Variants in PCDHA1 observed in about 807,000 individuals in gnomAD.
The protein encoded by PCDHA1 is protocadherin alpha 1.
In PCDHA1, 42 loss-of-function variants were observed where a neutral mutation model predicts 61.3. The observed-to-expected ratio is 0.69, with a 90% confidence interval of 0.54 to 0.89. The LOEUF (loss-of-function observed/expected upper bound fraction) is 0.89. PCDHA1 is among the 40% of genes least tolerant of loss of function. The pLI is 0.00. For synonymous variants in PCDHA1, 610 were observed against 553.8 expected (o/e 1.10, Z -1.43); for missense variants, 1,256 against 1,235.3 (o/e 1.02, Z -0.25).
chr5:140,841,617 G>C, intron 1 of PCDHA1: 2 of 1,614,152 alleles, frequency 1.2e-6, no homozygotes, highest in Non-Finnish European at 1.7e-6. Flanking sequence ...TGCGGGCGGA[G>C]CGCGGAGTGC....
chr5:140,927,843 C>G, intron 1 of PCDHA1: 2 of 1,614,186 alleles, frequency 1.2e-6, no homozygotes, highest in Non-Finnish European at 1.7e-6. Flanking sequence ...ACGAAGGTGT[C>G]TTTGGTTTAG....
Position 140,845,869 on chromosome 5 carries a change from C to T in PCDHA1, c.2394+57185C>T, listed in dbSNP as rs1190017155. On this transcript the variant is annotated intron_variant, in intron 1 of 3. Transcript: ENST00000504120. ...AAAGAAGTTAGTGATTGCAGAAAGG[C>T]AACCTAAAATGTCAGAAAGTCGTTA... is the stretch of plus-strand genomic sequence containing the variant. Among the ~76,000 whole-genome samples the T allele has an allele frequency of 2.0e-5, 3 of 149,586 alleles. 1 individual carries two copies. Among genetic ancestry groups the T allele is most frequent in the Non-Finnish European group, 4.5e-5 (3 of 66,866 alleles).
chr5:140,797,107 G>A (rs1174688256), intron 1 of PCDHA1: 48 of 1,613,918 alleles, frequency 3.0e-5, no homozygotes, highest in Non-Finnish European at 3.9e-5. Flanking sequence ...GGTGCTCACG[G>A]TGCTGCTGTA....
At position 140,786,772 on chromosome 5, in the gene PCDHA1, A is replaced by T. The variant is rs781988488; in HGVS notation, c.482A>T (p.Asp161Val). ...RFPIEGAADA[D>V]IGANALLTYT... Reference sequence around the variant, plus strand: ...CCGATAGAAGGAGCTGCTGATGCAGACATTGGTGCTAACGCTCTTCTAACG... The same window carrying T: ...CCGATAGAAGGAGCTGCTGATGCAGTCATTGGTGCTAACGCTCTTCTAACG... Residue 161 changes from aspartate to valine, a missense_variant, in exon 1 of 4, where the codon GAC (aspartate) becomes GTC (valine). Asp to Val is a radical substitution (Grantham distance 152). Transcript: ENST00000504120. The T allele has an allele frequency of 6.2e-7, 1 of 1,614,220 alleles. No individual in the cohort carries two copies. Among genetic ancestry groups the T allele is most frequent in the East Asian group, 2.2e-5 (1 of 44,888 alleles).
At chr5:140,860,559 A>G (rs2046453959) in intron 1 of PCDHA1, 1 of 152,222 alleles carries the variant, frequency 6.6e-6, no homozygotes, top group African/African-American at 2.4e-5. Flanking sequence ...TTGAAGAGGT[A>G]CTGATCATAC....
intron 1 of PCDHA1, chr5:140,842,566 CGA>C: frequency 6.7e-7 from 1 of 1,503,446 alleles, no homozygotes; most frequent in Non-Finnish European, 9.0e-7. Context: ...CCCTGGACCG[CGA>C]GAGAGTGTCG....
intron 1 of PCDHA1, chr5:140,824,731 A>G (rs1299399063): frequency 6.7e-6 from 1 of 149,944 alleles, no homozygotes; most frequent in African/African-American, 2.5e-5. Context: ...AAGTACTAAG[A>G]TTACAGGATT....
At chr5:140,988,698 A>G (rs1563551697) in intron 3 of PCDHA1, among the ~76,000 whole-genome samples, 1 of 152,116 alleles carries the variant, frequency 6.6e-6, no homozygotes, top group East Asian at 1.9e-4. Context: ...GACGCTCTGT[A>G]TTTTCTTGGA....
intron 1 of PCDHA1, among the ~76,000 whole-genome samples, chr5:140,819,677 T>C (rs2150104870): frequency 6.6e-6 from 1 of 152,220 alleles, no homozygotes; most frequent in South Asian, 2.1e-4. Context: ...TTGATCACTG[T>C]AGCACAAATG....
At chr5:140,873,973 T>C (rs1255024393) in intron 1 of PCDHA1, among the ~76,000 whole-genome samples, 2 of 152,224 alleles carry the variant, frequency 1.3e-5, no homozygotes. Flanking sequence ...TTTTTTAAAA[T>C]TAAAGTTCCT....
At chr5:140,929,376 G>C in intron 1 of PCDHA1, 1 of 1,513,958 alleles carries the variant, frequency 6.6e-7, no homozygotes, top group Non-Finnish European at 8.8e-7. Flanking sequence ...ATGGCTGCTA[G>C]CTGTGTTTTG....
chr5:140,787,806 A>G lies in PCDHA1; in HGVS notation c.1516A>G (p.Asn506Asp). The G allele has an allele frequency of 6.2e-7, 1 of 1,612,392 alleles. No individual in the cohort carries two copies. The highest frequency in any genetic ancestry group is 8.5e-7 in the Non-Finnish European group (1 of 1,179,734). Residue 506 changes from asparagine to aspartate, a missense_variant, in exon 1 of 4, where the codon AAC becomes GAC. Physicochemically the swap from Asn to Asp is conservative, Grantham distance 23. Transcript: ENST00000504120. ...ERRVGERALS[N>D]YVSVHAESGK... is the part of the protein sequence containing the mutation. Reference sequence around the variant, plus strand: ...GCGGGTGGGCGAGCGCGCGCTGTCGAACTACGTGTCAGTGCACGCGGAGAG... The same window carrying G: ...GCGGGTGGGCGAGCGCGCGCTGTCGGACTACGTGTCAGTGCACGCGGAGAG...
At chr5:141,007,161 G>C (rs2098308747) in intron 3 of PCDHA1, among the ~76,000 whole-genome samples, 1 of 152,146 alleles carries the variant, frequency 6.6e-6, no homozygotes, top group Non-Finnish European at 1.5e-5. Context: ...TCAAAGAACA[G>C]TCAGAGAGAA....
chr5:140,992,436 G>A (rs782486395), intron 3 of PCDHA1, among the ~76,000 whole-genome samples: 10 of 152,186 alleles, frequency 6.6e-5, no homozygotes, highest in Non-Finnish European at 1.3e-4. Flanking sequence ...TGTTCCAAGA[G>A]TTGGGAGCAG....
rs1554202543 is a variant in PCDHA1 at position 140,925,106 on chromosome 5, G to GA, written c.2395-53842dup. The stretch of plus-strand genomic sequence containing the variant: ...GAAAGGAAGGAAGGAAGGAAGGAAG[G>GA]AGGGAAGGAAGGAAGGAAAAAAAAT... On this transcript the variant is annotated intron_variant, in intron 1 of 3. Coordinates refer to ENST00000504120, the MANE Select transcript of PCDHA1 (RefSeq NM_018900.4). Among the ~76,000 whole-genome samples the GA allele has an allele frequency of 6.6e-3, 1,003 of 151,180 alleles. 6 individuals are homozygous for GA. Among genetic ancestry groups the GA allele is most frequent in the African/African-American group, 0.017 (687 of 41,108 alleles).
chr5:140,869,330 A>G (rs1554162906), intron 1 of PCDHA1: 25 of 1,613,778 alleles, frequency 1.5e-5, no homozygotes, highest in Non-Finnish European at 2.0e-5. Context: ...GACCTTCTGG[A>G]GGTAAATCTG....
At chr5:140,935,047 A>G (rs782161261) in intron 1 of PCDHA1, among the ~76,000 whole-genome samples, 11 of 152,140 alleles carry the variant, frequency 7.2e-5, no homozygotes, top group Admixed American at 3.3e-4. Flanking sequence ...GATTTCTGGT[A>G]TTACAAGATG....
chr5:140,802,600 AC>A, intron 1 of PCDHA1: 1 of 1,613,472 alleles, frequency 6.2e-7, no homozygotes, highest in Non-Finnish European at 8.5e-7. Flanking sequence ...AAGGAGAACA[AC>A]CCGCCGGGCT....
intron 1 of PCDHA1, among the ~76,000 whole-genome samples, chr5:140,903,417 T>C (rs1583492047): frequency 6.6e-6 from 1 of 152,200 alleles, no homozygotes; most frequent in Non-Finnish European, 1.5e-5. Flanking sequence ...CAGGAAAAAT[T>C]CAGCACAATA....
Sources: allele counts gnomAD v4.1 joint callset (sites outside exome capture counted in the v4.1 genomes callset), GRCh38; gene constraint gnomAD v4.1.1; transcripts MANE v1.5; gene names NCBI Gene and HGNC (gene_info 2026-07-23, HGNC 2026-07-21).